The following HEPHL1 variants were observed in gnomAD, a reference collection of about 807,000 sequenced individuals.
The protein encoded by HEPHL1 is hephaestin like 1.
In HEPHL1, 123 loss-of-function variants were observed where a neutral mutation model predicts 122.0. The observed-to-expected ratio is 1.01, with a 90% CI of 0.87 to 1.17. The LOEUF is 1.17. HEPHL1 is among the 50% of genes most tolerant of loss of function. The probability of loss-of-function intolerance (pLI) is 0.00; values close to 1 mark genes in which losing one functional copy is unlikely to be tolerated. For missense variants in HEPHL1, 1,452 were observed against 1,430.5 expected, an observed-to-expected ratio of 1.01 and a Z score of -0.24; for synonymous variants, 527 against 508.9, an observed-to-expected ratio of 1.04 and a Z score of -0.48.
At chr11:94,027,466 A>C (rs1407894709) in intron 1 of HEPHL1, among the ~76,000 whole-genome samples, 3 of 152,092 alleles carry the variant, frequency 2.0e-5, no homozygotes, top group Non-Finnish European at 2.9e-5. Context: ...TGGGGGAAAG[A>C]CCTTGGCTGG....
chr11:94,093,100 ATGTG>A (rs58076312), intron 12 of HEPHL1, among the ~76,000 whole-genome samples: 70,501 of 148,684 alleles, frequency 0.47, 16,792 homozygotes, highest in Admixed American at 0.55. Context: ...GTGGACGTGT[ATGTG>A]TGTGTGTGTG....
In HEPHL1 at chr11:94,049,085, C is replaced by A. The variant is rs144858888; in HGVS notation, c.415+3168C>A. Among the ~76,000 whole-genome samples the A allele has an allele frequency of 5.5e-3, 835 of 151,960 alleles. 14 individuals carry two copies. The highest frequency in any genetic ancestry group is 0.019 in the African/African-American group (797 of 41,410). ...GCAGTGAGCCGAGATCATGCCATTGCACTCCAGCCTGGGCAACAGAGCAAG... is the reference window on the plus strand; with the variant it reads ...GCAGTGAGCCGAGATCATGCCATTGAACTCCAGCCTGGGCAACAGAGCAAG... On this transcript the variant is annotated intron_variant, in intron 2 of 19. Coordinates refer to ENST00000315765, the MANE Select transcript of HEPHL1 (RefSeq NM_001098672.2).
chr11:94,073,664 C>T (rs1946097279), intron 8 of HEPHL1, among the ~76,000 whole-genome samples: 1 of 152,114 alleles, frequency 6.6e-6, no homozygotes, highest in Non-Finnish European at 1.5e-5. Context: ...AGGTCTGGCC[C>T]ATGGTAGGTT....
Position 94,064,355 on chromosome 11 carries a change from C to T in HEPHL1, c.653C>T (p.Thr218Ile), listed in dbSNP as rs368679862. The change falls in exon 4 of 20, where the codon ACA (threonine) becomes ATA (isoleucine). Residue 218 changes from threonine to isoleucine, a missense_variant. Physicochemically the swap from Thr to Ile is moderately conservative, Grantham distance 89. Coordinates refer to ENST00000315765, the MANE Select transcript of HEPHL1 (RefSeq NM_001098672.2). ...GGTATCCTGAATAGATATTCAGGGACACGGAATGATGTGGATCGAGAGTTT... is the reference window on the plus strand; with the variant it reads ...GGTATCCTGAATAGATATTCAGGGATACGGAATGATGTGGATCGAGAGTTT... ...KEGILNRYSG[T>I]RNDVDREFVI... is the part of the protein sequence containing the mutation. 37 of 1,612,472 alleles carry T rather than the reference C, an allele frequency of 2.3e-5. No individual in the cohort carries two copies. Among genetic ancestry groups the T allele is most frequent in the Non-Finnish European group, 3.1e-5 (36 of 1,179,004 alleles).
At chr11:94,097,656 C>G (rs1042318400) in intron 13 of HEPHL1, among the ~76,000 whole-genome samples, 1 of 152,126 alleles carries the variant, frequency 6.6e-6, no homozygotes, top group African/African-American at 2.4e-5. Flanking sequence ...GAGTCTAAAT[C>G]TCTTTGTAGG....
At chr11:94,068,498 G>C (rs76021923) in intron 5 of HEPHL1, among the ~76,000 whole-genome samples, 2,305 of 152,172 alleles carry the variant, frequency 0.015, 49 homozygotes, top group East Asian at 0.062. Flanking sequence ...ACCTGGTCCT[G>C]GTTTCTTCAG....
intron 12 of HEPHL1, 50 bp downstream of exon 12, chr11:94,089,018 C>T (rs752971818): frequency 3.9e-4 from 596 of 1,522,108 alleles, no homozygotes; most frequent in Non-Finnish European, 4.9e-4. Context: ...GCGCATGCTC[C>T]GTAGGTCTTT....
chr11:94,064,366 G>A lies in HEPHL1; in HGVS notation c.664G>A (p.Val222Met). ...LNRYSGTRNDVDREFVIMFTL... is the reference protein window; with the variant it reads ...LNRYSGTRNDMDREFVIMFTL... ...TAGATATTCAGGGACACGGAATGAT[G>A]TGGATCGAGAGTTTGTTATAATGTT... Residue 222 changes from valine to methionine, a missense_variant, in exon 4 of 20, where the codon GTG becomes ATG. Val to Met is a conservative substitution (Grantham distance 21). Coordinates refer to ENST00000315765, the MANE Select transcript of HEPHL1 (RefSeq NM_001098672.2). The A allele has an allele frequency of 6.2e-7, 1 of 1,613,150 alleles. No individual in the cohort carries two copies. The highest frequency in any genetic ancestry group is 2.2e-5 in the East Asian group (1 of 44,876).
intron 2 of HEPHL1, 95 bp downstream of exon 2, chr11:94,046,012 A>G (rs879314324): frequency 1.3e-5 from 13 of 1,037,726 alleles, no homozygotes; most frequent in Non-Finnish European, 1.8e-5. Context: ...CATTGATTAC[A>G]TGGATATATT....
Position 94,070,409 on chromosome 11 carries a change from A to G in HEPHL1, c.1099A>G (p.Lys367Glu), listed in dbSNP as rs1334489687. The change falls in exon 6 of 20, where the codon AAA becomes GAA. Residue 367 changes from lysine (K) to glutamate (E), a missense_variant. Coordinates refer to ENST00000315765, the MANE Select transcript of HEPHL1 (RefSeq NM_001098672.2). The part of the protein sequence containing the change: ...MLGQYNVDNC[K>E]SDIFYPKMKG... ...GGGGCAATACAATGTTGATAACTGC[A>G]AAAGTGATATTTTCTACCCCAAGAT... 30 of 1,602,958 alleles carry G rather than the reference A, an allele frequency of 1.9e-5. No individual in the cohort carries two copies. Among genetic ancestry groups the G allele is most frequent in the Non-Finnish European group, 2.5e-5 (29 of 1,174,190 alleles).
intron 1 of HEPHL1, among the ~76,000 whole-genome samples, chr11:94,039,725 T>C (rs1190504262): frequency 6.7e-6 from 1 of 149,928 alleles, no homozygotes. Flanking sequence ...CAAAGCAGTG[T>C]GTAGAGGGAA....
At chr11:94,022,304 C>G (rs1222066372) in intron 1 of HEPHL1, among the ~76,000 whole-genome samples, 1 of 152,190 alleles carries the variant, frequency 6.6e-6, no homozygotes, top group Admixed American at 6.5e-5. Flanking sequence ...CAGAAGATGT[C>G]ATGCTATTTT....
chr11:94,072,353 G>A (rs1946081227), intron 6 of HEPHL1, among the ~76,000 whole-genome samples: 1 of 151,936 alleles, frequency 6.6e-6, no homozygotes, highest in African/African-American at 2.4e-5. Context: ...TGCACAAGGA[G>A]GATAGAAAAG....
intron 13 of HEPHL1, among the ~76,000 whole-genome samples, chr11:94,094,304 T>C (rs1279836385): frequency 4.0e-5 from 6 of 151,892 alleles, no homozygotes; most frequent in Non-Finnish European, 7.4e-5. Flanking sequence ...CAGCTTCATC[T>C]ATGTCCCTAC....
chr11:94,067,533 T>C lies in HEPHL1; in HGVS notation c.846T>C (p.Pro282=). ...ACCTCTTCGGAAACTTCCCGGAGCC[T>C]GATATGTGTGTTGGAGAATCTGTGT... ...NGYLFGNFPE[P]DMCVGESVSW... Residue 282 remains proline, a synonymous_variant, in exon 5 of 20, where the codon CCT becomes CCC. Transcript: ENST00000315765. The C allele has an allele frequency of 6.2e-7, 1 of 1,613,638 alleles. No individual in the cohort carries two copies. Among genetic ancestry groups the C allele is most frequent in the Non-Finnish European group, 8.5e-7 (1 of 1,179,628 alleles).
rs1946066151 is a variant in HEPHL1, at chr11:94,070,507, C to A, written c.1197C>A (p.Asn399Lys). 2 of 1,611,158 alleles carry A rather than the reference C, an allele frequency of 1.2e-6. No individual in the cohort carries two copies. Among genetic ancestry groups the A allele is most frequent in the South Asian group, 2.2e-5 (2 of 90,530 alleles). The change falls in exon 6 of 20, where the codon AAC becomes AAA. Residue 399 changes from asparagine to lysine, a missense_variant. Transcript: ENST00000315765. ...GGGATTATGCTCCTCAAGGCTATAACAAATTCAGTGGTCTTCCTCTAAACG... is the reference window on the plus strand; with the variant it reads ...GGGATTATGCTCCTCAAGGCTATAAAAAATTCAGTGGTCTTCCTCTAAACG... Reference protein sequence around the residue: ...ILWDYAPQGYNKFSGLPLNAS... With the variant: ...ILWDYAPQGYKKFSGLPLNAS...
Position 94,063,724 on chromosome 11 carries a change from A to C in HEPHL1, c.628+4A>C, listed in dbSNP as rs1244889667. ...CCCCTGCTGGTCTGCAAGGAAGGTA[A>C]GGAGCTTTGTTTCCAGGTAACTAGG... On this transcript the variant is annotated splice_donor_region_variant and intron_variant, in intron 3 of 19. Transcript: ENST00000315765. 1 of 1,612,136 alleles carries C rather than the reference A, an allele frequency of 6.2e-7. No individual in the cohort carries two copies. The highest frequency in any genetic ancestry group is 1.3e-5 in the African/African-American group (1 of 74,850).
In HEPHL1 at chr11:94,104,762, GTTTAAAAA is replaced by G; in HGVS notation, c.2905+13_2905+20del. ...CAACAGAATGCATGGTATATCCAAA[GTTTAAAAA>G]GAAGCCTATGTTGAGATAAGCTCAT... On this transcript the variant is annotated intron_variant, in intron 16 of 19. Transcript: ENST00000315765. 1 of 1,587,536 alleles carries G rather than the reference GTTTAAAAA, an allele frequency of 6.3e-7. No homozygotes were observed. Among genetic ancestry groups the G allele is most frequent in the Non-Finnish European group, 8.6e-7 (1 of 1,159,076 alleles).
intron 2 of HEPHL1, among the ~76,000 whole-genome samples, chr11:94,057,377 T>C (rs1945946862): frequency 6.6e-6 from 1 of 152,130 alleles, no homozygotes; most frequent in Admixed American, 6.6e-5. Flanking sequence ...TCTCCCCTCT[T>C]TCTGCAGACA....
Sources: gnomAD v4.1 joint callset for allele counts (sites outside exome capture counted in the v4.1 genomes callset) on GRCh38, gnomAD v4.1.1 for gene constraint, MANE v1.5 for transcripts, NCBI Gene and HGNC (gene_info 2026-07-23, HGNC 2026-07-21) for gene names.